The following VRK2 variants were observed in gnomAD, a reference collection of about 807,000 sequenced individuals.
VRK2 encodes the protein serine/threonine-protein kinase VRK2.
Under a neutral mutation model 57.6 loss-of-function variants are expected in VRK2, and 60 were observed. The observed-to-expected ratio is 1.04, with a 90% CI of 0.85 to 1.29. The LOEUF (loss-of-function observed/expected upper bound fraction) is 1.29. VRK2 is among the 50% of genes most tolerant of loss of function. The pLI, the probability that VRK2 is intolerant of heterozygous loss-of-function variation, is 0.00. For synonymous variants in VRK2, 231 were observed against 199.2 expected (o/e 1.16, Z -1.35); for missense variants, 705 against 588.1 (o/e 1.20, Z -2.06).
intron 8 of VRK2, 152 bp downstream of exon 8, chr2:58,123,385 C>A: frequency 2.2e-6 from 2 of 924,420 alleles, no homozygotes; most frequent in Non-Finnish European, 3.0e-6. Context: ...TCCTGTTATG[C>A]CAATGAATAT....
intron 7 of VRK2, among the ~76,000 whole-genome samples, chr2:58,103,583 C>A (rs72951065): frequency 6.6e-6 from 1 of 151,152 alleles, no homozygotes; most frequent in African/African-American, 2.4e-5. Flanking sequence ...ACGAAAGTAG[C>A]GAGATAGAAT....
In VRK2 at chr2:58,137,195, T is replaced by TATATCATATATATGATAC. The variant is rs373625694; in HGVS notation, c.856+2000_856+2001insCATATATATGATACATAT. On this transcript the variant is annotated intron_variant, in intron 10 of 12. Transcript: ENST00000340157. ...TATCATATATATCATATATGATACA[T>TATATCATATATATGATAC]ATATATCTCATATATGATACATATA... 3.8e-3 allele frequency among the ~76,000 whole-genome samples: 88 copies of TATATCATATATATGATAC among 23,088 alleles called. 8 individuals carry two copies. The highest frequency in any genetic ancestry group is 0.014 in the African/African-American group (86 of 6,246). The allele number at this position is 23,088 out of a possible 152,430, so 15.1% of individuals were successfully genotyped here.
At chr2:57,984,905 G>C (rs17049282) in intron 1 of VRK2, among the ~76,000 whole-genome samples, 18,557 of 151,832 alleles carry the variant, frequency 0.12, 1,216 homozygotes, top group East Asian at 0.19. Flanking sequence ...AAGCAAGCTG[G>C]AAGATATAAT....
chr2:57,952,600 T>C (rs1671460571), intron 1 of VRK2, among the ~76,000 whole-genome samples: 1 of 152,196 alleles, frequency 6.6e-6, no homozygotes, highest in African/African-American at 2.4e-5. Context: ...AGAAACATTG[T>C]TCATAAAGCA....
Position 58,089,634 on chromosome 2 carries a change from G to A in VRK2, c.454G>A (p.Asp152Asn), listed in dbSNP as rs773766763. 1.3e-6 allele frequency: 2 copies of A among 1,575,926 alleles called. No individual in the cohort carries two copies. Among genetic ancestry groups the A allele is most frequent in the African/African-American group, 1.4e-5 (1 of 73,846 alleles). The change falls in exon 7 of 13, where the codon GAT (aspartate) becomes AAT (asparagine). Residue 152 changes from aspartate to asparagine, a missense_variant. Transcript: ENST00000340157. Reference sequence around the variant, plus strand: ...TTTTATCTATTTATTTTCACAGTTGGATGTACTGGAATATATACATGAAAA... The same window carrying A: ...TTTTATCTATTTATTTTCACAGTTGAATGTACTGGAATATATACATGAAAA... Reference protein sequence around the residue: ...TVLQLGIRMLDVLEYIHENEY... With the variant: ...TVLQLGIRMLNVLEYIHENEY...
intron 2 of VRK2, among the ~76,000 whole-genome samples, chr2:58,051,033 C>A (rs7577892): frequency 7.2e-5 from 11 of 152,080 alleles, no homozygotes; most frequent in African/African-American, 2.4e-4. Context: ...TTAGTAGAAA[C>A]GGGGTTTTGC....
intron 1 of VRK2, among the ~76,000 whole-genome samples, chr2:58,047,706 A>G (rs1460133387): frequency 6.6e-6 from 1 of 152,182 alleles, no homozygotes; most frequent in Non-Finnish European, 1.5e-5. Flanking sequence ...TCAATGCTCT[A>G]GGCATAGTTC....
At chr2:57,917,404 G>A (rs932385504) in intron 1 of VRK2, among the ~76,000 whole-genome samples, 1 of 151,532 alleles carries the variant, frequency 6.6e-6, no homozygotes, top group African/African-American at 2.4e-5. Context: ...TTCATAGAGT[G>A]ACCTGAGATC....
In VRK2 at chr2:58,027,255, G is replaced by A. The variant is rs966347697; in HGVS notation, c.-333+1485G>A. On this transcript the variant is annotated intron_variant, in intron 2 of 15. Transcript: ENST00000417641. The stretch of plus-strand genomic sequence containing the variant: ...AGCAAAATGAGAAAAAATCTCACTG[G>A]AGTCCAGTGAGAATCCAGGGACTAA... Among the ~76,000 whole-genome samples the A allele has an allele frequency of 5.7e-4, 86 of 151,918 alleles. 1 individual carries two copies. Among genetic ancestry groups the A allele is most frequent in the Admixed American group, 4.4e-3 (67 of 15,246 alleles).
At chr2:57,991,899 A>G (rs1038143150) in intron 1 of VRK2, among the ~76,000 whole-genome samples, 2 of 151,372 alleles carry the variant, frequency 1.3e-5, no homozygotes, top group South Asian at 2.1e-4. Flanking sequence ...CGGAGGTTGC[A>G]GTGAGCCGAG....
rs147641057 is a variant in VRK2 at position 58,032,175 on chromosome 2, T to C, written c.-332-1052T>C. On this transcript the variant is annotated intron_variant, in intron 2 of 15. Transcript: ENST00000417641. ...TTATGAACAGACAGAAAAGAAGCTA[T>C]GTGCTTACTTTTTACTCATACTTAA... is the stretch of plus-strand genomic sequence containing the variant. Among the ~76,000 whole-genome samples, 392 of 152,250 alleles carry C rather than the reference T, an allele frequency of 2.6e-3. 2 individuals carry two copies. Among genetic ancestry groups the C allele is most frequent in the African/African-American group, 8.6e-3 (359 of 41,558 alleles).
chr2:57,927,319 C>T (rs1319286400), intron 1 of VRK2, among the ~76,000 whole-genome samples: 1 of 150,632 alleles, frequency 6.6e-6, no homozygotes, highest in African/African-American at 2.5e-5. Flanking sequence ...CTCTATCGCC[C>T]AGGCTGGAGT....
At chr2:58,124,156 A>G (rs1445700984) in intron 8 of VRK2, among the ~76,000 whole-genome samples, 2 of 152,224 alleles carry the variant, frequency 1.3e-5, no homozygotes, top group Non-Finnish European at 2.9e-5. Context: ...AGTTAAAGTC[A>G]TAACCTATGT....
At chr2:58,082,747 C>T (rs1671068746) in intron 2 of VRK2, among the ~76,000 whole-genome samples, 1 of 151,724 alleles carries the variant, frequency 6.6e-6, no homozygotes, top group Non-Finnish European at 1.5e-5. Context: ...ATTTTAAGTG[C>T]TATAAGTAAG....
intron 1 of VRK2, among the ~76,000 whole-genome samples, chr2:58,007,835 C>T (rs1196066066): frequency 1.3e-5 from 2 of 152,116 alleles, no homozygotes; most frequent in South Asian, 2.1e-4. Context: ...AAGACAGCTA[C>T]TGATAATAAA....
chr2:58,036,122 T>C (rs1445555390), intron 3 of VRK2, among the ~76,000 whole-genome samples: 4 of 152,112 alleles, frequency 2.6e-5, no homozygotes, highest in East Asian at 3.9e-4. Flanking sequence ...TAATATACCA[T>C]TAATTTTATC....
intron 2 of VRK2, among the ~76,000 whole-genome samples, chr2:58,082,938 T>G (rs1057070472): frequency 3.3e-5 from 5 of 151,772 alleles, no homozygotes; most frequent in African/African-American, 9.7e-5. Flanking sequence ...TAATAAAATT[T>G]GTGACATATT....
intron 1 of VRK2, among the ~76,000 whole-genome samples, chr2:57,919,560 T>C (rs1474512981): frequency 6.6e-6 from 1 of 152,094 alleles, no homozygotes; most frequent in Non-Finnish European, 1.5e-5. Flanking sequence ...TGTAAACAAG[T>C]ATACATAGAG....
chr2:58,071,155 G>T (rs1050415728), intron 2 of VRK2, among the ~76,000 whole-genome samples: 3 of 151,790 alleles, frequency 2.0e-5, no homozygotes, highest in African/African-American at 7.3e-5. Context: ...AAAATGAGTT[G>T]TTCATTTTTT....
Sources: gnomAD v4.1 joint callset for allele counts (sites outside exome capture counted in the v4.1 genomes callset) on GRCh38, gnomAD v4.1.1 for gene constraint, MANE v1.5 for transcripts, NCBI Gene and HGNC (gene_info 2026-07-23, HGNC 2026-07-21) for gene names.